ZNF445: variants seen among roughly 807,000 people sequenced by gnomAD.
The protein encoded by ZNF445 is zinc finger protein 168.
Under a neutral mutation model 93.9 loss-of-function variants are expected in ZNF445, and 19 were observed. The observed-to-expected ratio is 0.20, with a 90% CI of 0.14 to 0.30. ZNF445 has a LOEUF of 0.30. Ranked by LOEUF, ZNF445 falls within the 10% of genes least tolerant of loss-of-function variation. The pLI is 1.00. For missense variants in ZNF445, 1,058 were observed against 1,259.4 expected (o/e 0.84, Z 2.42); for synonymous variants, 449 against 446.3 (o/e 1.01, Z -0.08).
intron 1 of ZNF445, among the ~76,000 whole-genome samples, chr3:44,468,501 A>G (rs1698223066): frequency 6.6e-6 from 1 of 152,174 alleles, no homozygotes; most frequent in African/African-American, 2.4e-5. Flanking sequence ...ACAAGATTAG[A>G]AATTATGGTT....
At position 44,439,736 on chromosome 3, in the gene ZNF445, C is replaced by T. The variant is rs902471086; in HGVS notation, c.*6839G>A. On this transcript the variant is annotated 3_prime_UTR_variant, in exon 8 of 8. Coordinates refer to ENST00000396077, the MANE Select transcript of ZNF445 (RefSeq NM_181489.6). ...AAACTACCATCACTCAAAACTGGTT[C>T]GGATGTTGAAACTGATGACACTGCA... is the stretch of plus-strand genomic sequence containing the variant. 3.9e-5 allele frequency: 6 copies of T among 152,168 alleles called. No individual in the cohort carries two copies. Among genetic ancestry groups the T allele is most frequent in the Non-Finnish European group, 8.8e-5 (6 of 68,036 alleles). The allele number at this position is 152,168 out of a possible 1,614,324, so 9.4% of individuals were successfully genotyped here.
intron 4 of ZNF445, 110 bp downstream of exon 4, chr3:44,451,204 G>C: frequency 7.2e-7 from 1 of 1,379,998 alleles, no homozygotes; most frequent in South Asian, 1.3e-5. Context: ...AGAGCTAAGG[G>C]CCAGGACAGA....
chr3:44,448,291 G>C lies in ZNF445; in HGVS notation c.1380C>G (p.Asp460Glu). Residue 460 changes from aspartate (D) to glutamate (E), a missense_variant, in exon 8 of 8, where the codon GAC (aspartate) becomes GAG (glutamate). Physicochemically the swap from Asp to Glu is conservative, Grantham distance 45 (BLOSUM62 2). Coordinates refer to ENST00000396077, the MANE Select transcript of ZNF445 (RefSeq NM_181489.6). ...IHSGLKGNKK[D>E]VCGKDFSLSS... The stretch of plus-strand genomic sequence containing the variant: ...TAAGGCTGAAGTCTTTTCCACACAC[G>C]TCCTTTTTGTTCCCTTTCAGTCCAC... The C allele has an allele frequency of 6.2e-7, 1 of 1,614,154 alleles. No homozygotes were observed. The highest frequency in any genetic ancestry group is 8.5e-7 in the Non-Finnish European group (1 of 1,180,038).
intron 1 of ZNF445, among the ~76,000 whole-genome samples, chr3:44,458,674 C>G (rs184819342): frequency 6.6e-6 from 1 of 152,036 alleles, no homozygotes; most frequent in Admixed American, 6.6e-5. Context: ...GAAAATAGAA[C>G]ACCTCTCTCT....
At chr3:44,473,115 T>C (rs1698293538) in intron 1 of ZNF445, among the ~76,000 whole-genome samples, 1 of 152,058 alleles carries the variant, frequency 6.6e-6, no homozygotes, top group East Asian at 1.9e-4. Flanking sequence ...GTATAGAAGG[T>C]ATATAAACTG....
Position 44,448,240 on chromosome 3 carries a change from A to T in ZNF445, c.1431T>A (p.Ser477Arg). 1 of 1,613,878 alleles carries T rather than the reference A, an allele frequency of 6.2e-7. No individual in the cohort carries two copies. Among genetic ancestry groups the T allele is most frequent in the Non-Finnish European group, 8.5e-7 (1 of 1,179,968 alleles). The change falls in exon 8 of 8, where the codon AGT becomes AGA. Residue 477 changes from serine to arginine, a missense_variant. Transcript: ENST00000396077. ...SLSSHHQRGQSLHTVGVSFKC... is the reference protein window; with the variant it reads ...SLSSHHQRGQRLHTVGVSFKC... ...TAAATGACACTCCCACTGTGTGAAG[A>T]CTCTGCCCACGTTGGTGATGAGAGC...
chr3:44,460,890 C>T (rs1361262495), intron 1 of ZNF445, among the ~76,000 whole-genome samples: 1 of 152,210 alleles, frequency 6.6e-6, no homozygotes, highest in African/African-American at 2.4e-5. Flanking sequence ...TAGCTACCTG[C>T]CCATGGTTCA....
chr3:44,447,424 G>C lies in ZNF445; in HGVS notation c.2247C>G (p.Phe749Leu), dbSNP rs761118204. ...GGPSFSQDTV[F>L]QVPQSSHSKE... ...TGGAGTGACTGCTCTGAGGAACCTG[G>C]AACACTGTGTCCTGACTAAAAGATG... is the stretch of plus-strand genomic sequence containing the variant. Residue 749 changes from phenylalanine (F) to leucine (L), a missense_variant, in exon 8 of 8, where the codon TTC (phenylalanine) becomes TTG (leucine). Physicochemically the swap from Phe to Leu is conservative, Grantham distance 22. This residue lies in a region of ZNF445 where 387 missense variants were observed against 475.7 expected (regional missense o/e 0.81). Transcript: ENST00000396077. This position sits in a 1 kb window ranked among gnomAD's most constrained non-coding sequence, Gnocchi z 4.7. The C allele has an allele frequency of 1.2e-6, 2 of 1,614,200 alleles. No individual in the cohort carries two copies. Among genetic ancestry groups the C allele is most frequent in the South Asian group, 2.2e-5 (2 of 91,088 alleles).
chr3:44,453,202 C>T (rs906412534), intron 3 of ZNF445, among the ~76,000 whole-genome samples: 10 of 151,984 alleles, frequency 6.6e-5, no homozygotes, highest in South Asian at 4.2e-4. Context: ...TGAGCCACCG[C>T]GCCAAGCTAC....
chr3:44,460,038 T>C (rs976915724), intron 1 of ZNF445, among the ~76,000 whole-genome samples: 7 of 152,048 alleles, frequency 4.6e-5, no homozygotes, highest in African/African-American at 1.2e-4. Flanking sequence ...TCCGTTTCTA[T>C]TGAAAAATGA....
intron 1 of ZNF445, among the ~76,000 whole-genome samples, chr3:44,465,908 C>A (rs779794058): frequency 6.6e-6 from 1 of 151,790 alleles, no homozygotes; most frequent in East Asian, 1.9e-4. Context: ...AGTAAGACTT[C>A]GTCTCAAAAA....
intron 1 of ZNF445, among the ~76,000 whole-genome samples, chr3:44,470,355 C>T (rs1379329465): frequency 6.6e-6 from 1 of 152,120 alleles, no homozygotes; most frequent in African/African-American, 2.4e-5. Context: ...AAACGTACAA[C>T]CGTGTGTGTG....
In ZNF445 at chr3:44,434,760, G is replaced by A. The variant is rs753430115; in HGVS notation, c.*11815C>T. On this transcript the variant is annotated 3_prime_UTR_variant, in exon 8 of 8. Coordinates refer to ENST00000396077, the MANE Select transcript of ZNF445 (RefSeq NM_181489.6). ...GAAACATTCACCAGATGGGTAACTGGGCAGCCAAGGGGATAATCGGATCGG... is the reference window on the plus strand; with the variant it reads ...GAAACATTCACCAGATGGGTAACTGAGCAGCCAAGGGGATAATCGGATCGG... 1 of 152,144 alleles carries A rather than the reference G, an allele frequency of 6.6e-6. No homozygotes were observed. The highest frequency in any genetic ancestry group is 1.5e-5 in the Non-Finnish European group (1 of 68,040). The allele number at this position is 152,144 out of a possible 1,614,324, so 9.4% of individuals were successfully genotyped here.
intron 3 of ZNF445, among the ~76,000 whole-genome samples, chr3:44,453,259 G>C (rs1345791224): frequency 6.6e-6 from 1 of 150,936 alleles, no homozygotes; most frequent in Non-Finnish European, 1.5e-5. Context: ...ATATATATAT[G>C]TATATGTATG....
intron 6 of ZNF445, 77 bp downstream of exon 6, chr3:44,450,370 C>T: frequency 6.3e-7 from 1 of 1,591,684 alleles, no homozygotes; most frequent in Non-Finnish European, 8.6e-7. Context: ...AGGTCAGGTA[C>T]CTTTCTATGC....
chr3:44,451,065 C>A, intron 4 of ZNF445, 103 bp from the exon 5 acceptor site: 1 of 1,090,464 alleles, frequency 9.2e-7, no homozygotes, highest in Non-Finnish European at 1.3e-6. Flanking sequence ...TGAGCAGGTA[C>A]ATAATGTTGT....
At chr3:44,473,178 C>T (rs1698294182) in intron 1 of ZNF445, among the ~76,000 whole-genome samples, 1 of 152,020 alleles carries the variant, frequency 6.6e-6, no homozygotes, top group South Asian at 2.1e-4. Context: ...AAAATGCAGG[C>T]CGGGCGCAGT....
chr3:44,451,552 A>G (rs1697958124), intron 3 of ZNF445, 70 bp from the exon 4 acceptor site: 2 of 1,519,014 alleles, frequency 1.3e-6, no homozygotes, highest in Admixed American at 1.8e-5. Flanking sequence ...AAGAGACCAC[A>G]TGACCAATCT....
chr3:44,474,564 T>A (rs1285112058), intron 1 of ZNF445, among the ~76,000 whole-genome samples: 2 of 152,054 alleles, frequency 1.3e-5, no homozygotes, highest in African/African-American at 4.8e-5. Flanking sequence ...AAACACTTCT[T>A]CAGAAGTGTT....
Sources: allele counts gnomAD v4.1 joint callset (sites outside exome capture counted in the v4.1 genomes callset), GRCh38; gene constraint gnomAD v4.1.1; regional missense constraint gnomAD v4.1.1; non-coding constraint Gnocchi (gnomAD v3.1); transcripts MANE v1.5; gene names NCBI Gene and HGNC (gene_info 2026-07-23, HGNC 2026-07-21).